Variants in FSTL5 observed in about 807,000 individuals in gnomAD.
The protein encoded by FSTL5 is follistatin like 5, also known as follistatin-related protein 5.
Under a neutral mutation model 89.1 loss-of-function variants are expected in FSTL5, and 62 were observed. That is an observed-to-expected ratio of 0.70 (90% CI 0.57 to 0.86). FSTL5 has a LOEUF of 0.86. Ranked by LOEUF, FSTL5 falls within the 40% of genes least tolerant of loss-of-function variation. FSTL5 has a pLI of 0.00. For synonymous variants in FSTL5, 383 were observed against 346.2 expected (o/e 1.11, Z -1.18); for missense variants, 1,057 against 1,001.6 (o/e 1.06, Z -0.75).
chr4:161,438,665 A>G (rs1732655342), intron 15 of FSTL5, among the ~76,000 whole-genome samples: 1 of 152,186 alleles, frequency 6.6e-6, no homozygotes, highest in African/African-American at 2.4e-5. Flanking sequence ...AATTGAATTG[A>G]ACTAAACTAT....
intron 4 of FSTL5, among the ~76,000 whole-genome samples, chr4:161,839,531 A>AAAACATATGTGAATCTCAC (rs1293927945): frequency 1.3e-5 from 2 of 152,238 alleles, no homozygotes; most frequent in South Asian, 2.1e-4. Context: ...GGAAGCACTC[A>AAAACATATGTGAATCTCAC]AAACATATGT....
At chr4:161,655,077 C>G (rs1164945493) in intron 7 of FSTL5, among the ~76,000 whole-genome samples, 1 of 152,050 alleles carries the variant, frequency 6.6e-6, no homozygotes, top group South Asian at 2.1e-4. Context: ...ATTAATATTT[C>G]TTATTTCGAA....
chr4:162,048,742 T>C (rs927587881), intron 2 of FSTL5, among the ~76,000 whole-genome samples: 1 of 152,060 alleles, frequency 6.6e-6, no homozygotes, highest in East Asian at 1.9e-4. Flanking sequence ...TAAGAAATAA[T>C]AATAAATGAT....
At chr4:162,023,831 C>T (rs1488041305) in intron 3 of FSTL5, among the ~76,000 whole-genome samples, 2 of 152,086 alleles carry the variant, frequency 1.3e-5, no homozygotes. Flanking sequence ...AGACTTTTCC[C>T]CTACCTTCTG....
chr4:161,432,151 A>C (rs529738285), intron 15 of FSTL5, among the ~76,000 whole-genome samples: 7 of 152,248 alleles, frequency 4.6e-5, no homozygotes, highest in Middle Eastern at 3.4e-3. Flanking sequence ...TGGCTTCAGA[A>C]TACACATTTT....
At chr4:161,971,749 T>C (rs932333966) in intron 3 of FSTL5, among the ~76,000 whole-genome samples, 2 of 152,196 alleles carry the variant, frequency 1.3e-5, no homozygotes, top group Non-Finnish European at 2.9e-5. Context: ...TGTGGACATA[T>C]TAATTTCAAT....
chr4:162,039,009 A>G (rs2111217895), intron 2 of FSTL5, among the ~76,000 whole-genome samples: 1 of 151,972 alleles, frequency 6.6e-6, no homozygotes, highest in Admixed American at 6.6e-5. Flanking sequence ...TAATATATAT[A>G]CATATGATGT....
At chr4:161,571,743 C>A (rs969565463) in intron 8 of FSTL5, among the ~76,000 whole-genome samples, 1 of 152,124 alleles carries the variant, frequency 6.6e-6, no homozygotes, top group African/African-American at 2.4e-5. Flanking sequence ...TATATGGCAA[C>A]TGAAGCAATG....
intron 10 of FSTL5, among the ~76,000 whole-genome samples, chr4:161,525,704 C>G (rs926345689): frequency 6.6e-6 from 1 of 152,094 alleles, no homozygotes; most frequent in East Asian, 1.9e-4. Context: ...GAAAAATTAA[C>G]TCTAACAGAT....
chr4:161,426,000 A>G (rs1022449259), intron 15 of FSTL5, among the ~76,000 whole-genome samples: 4 of 152,080 alleles, frequency 2.6e-5, no homozygotes, highest in African/African-American at 9.7e-5. Flanking sequence ...GAGTTTATCA[A>G]AGGTTTTAAA....
At chr4:161,589,908 A>T (rs1364850084) in intron 7 of FSTL5, among the ~76,000 whole-genome samples, 1 of 151,972 alleles carries the variant, frequency 6.6e-6, no homozygotes, top group East Asian at 2.0e-4. Context: ...TTGAAGGCTA[A>T]GACAGAGTTG....
At chr4:161,607,663 C>T (rs1012812295) in intron 7 of FSTL5, among the ~76,000 whole-genome samples, 9 of 152,080 alleles carry the variant, frequency 5.9e-5, no homozygotes, top group South Asian at 2.1e-4. Flanking sequence ...TAACTAATCA[C>T]GCAGAGAAAG....
rs376037194 is a variant in FSTL5, at chr4:161,386,249, C to T, written c.2042G>A (p.Gly681Asp). 6.2e-7 allele frequency: 1 copy of T among 1,613,992 alleles called. No individual in the cohort carries two copies. The change falls in exon 16 of 16, where the codon GGT (glycine) becomes GAT (aspartate). Residue 681 changes from glycine to aspartate, a missense_variant. Transcript: ENST00000306100. ...GAACCCAATGACTGAGTCAGTTACA[C>T]CGTCCACCATGACCTGTGGGGAAAC... ...GAVSPQVMVD[G>D]VTDSVIGFNS...
At chr4:161,681,144 G>A (rs1189882704) in intron 6 of FSTL5, among the ~76,000 whole-genome samples, 1 of 152,020 alleles carries the variant, frequency 6.6e-6, no homozygotes, top group East Asian at 1.9e-4. Context: ...GAGTGTGCAT[G>A]TGAATGTGTG....
At chr4:162,045,582 C>G (rs888113573) in intron 2 of FSTL5, among the ~76,000 whole-genome samples, 1 of 151,856 alleles carries the variant, frequency 6.6e-6, no homozygotes, top group Non-Finnish European at 1.5e-5. Context: ...TGAAAAAGTT[C>G]AAAATATTAT....
At chr4:161,909,697 T>C (rs1733637360) in intron 4 of FSTL5, among the ~76,000 whole-genome samples, 1 of 152,112 alleles carries the variant, frequency 6.6e-6, no homozygotes, top group Non-Finnish European at 1.5e-5. Context: ...TCCAGTCTTG[T>C]TTTTCCTTTC....
intron 15 of FSTL5, among the ~76,000 whole-genome samples, chr4:161,435,283 A>G (rs1732520413): frequency 6.6e-6 from 1 of 152,172 alleles, no homozygotes; most frequent in African/African-American, 2.4e-5. Flanking sequence ...CATGGATGTA[A>G]CTGGAGGTCA....
chr4:161,776,377 G>A (rs1022645861), intron 4 of FSTL5, among the ~76,000 whole-genome samples: 8 of 151,880 alleles, frequency 5.3e-5, no homozygotes, highest in Non-Finnish European at 7.4e-5. Flanking sequence ...TTATTTCAAC[G>A]TTCAAATTTA....
intron 2 of FSTL5, among the ~76,000 whole-genome samples, chr4:162,035,641 C>T (rs1015898755): frequency 1.3e-5 from 2 of 152,016 alleles, no homozygotes; most frequent in Non-Finnish European, 2.9e-5. Context: ...TCTGACATAG[C>T]TGAGAATACA....
Sources: allele counts gnomAD v4.1 joint callset (sites outside exome capture counted in the v4.1 genomes callset), GRCh38; gene constraint gnomAD v4.1.1; transcripts MANE v1.5; gene names NCBI Gene and HGNC (gene_info 2026-07-23, HGNC 2026-07-21).